TBC1D28: variants seen among roughly 807,000 people sequenced by gnomAD.
TBC1D28 encodes TBC1 domain family member 28.
A neutral mutation model predicts 29.2 loss-of-function variants in TBC1D28; 20 were observed. That is an observed-to-expected ratio of 0.68 (90% CI 0.48 to 0.99). The LOEUF (loss-of-function observed/expected upper bound fraction) is 0.99, where lower values mean the gene tolerates loss of function less well. Ranked by LOEUF, TBC1D28 falls within the 50% of genes least tolerant of loss-of-function variation. The pLI, the probability that TBC1D28 is intolerant of heterozygous loss-of-function variation, is 0.00. For missense variants in TBC1D28, 205 were observed against 243.7 expected, an observed-to-expected ratio of 0.84 and a Z score of 1.06; for synonymous variants, 65 against 90.9, an observed-to-expected ratio of 0.71 and a Z score of 1.62.
At chr17:18,641,338 C>A (rs1392532347) in exon 3 of TBC1D28, 1 of 1,613,828 alleles carries the variant, frequency 6.2e-7, no homozygotes, top group African/African-American at 1.3e-5. Flanking sequence ...TATCCGGGTC[C>A]TCATCCATCT....
Position 18,641,343 on chromosome 17 carries a change from C to A in TBC1D28, c.10G>T (p.Asp4Tyr), listed in dbSNP as rs1394781786. The change falls in exon 3 of 9, where the codon GAT (aspartate) becomes TAT (tyrosine). Residue 4 changes from aspartate to tyrosine, a missense_variant. Coordinates refer to ENST00000345096, the Ensembl canonical transcript of TBC1D28. ...GCAGGCAGGTTATCCGGGTCCTCAT[C>A]CATCTCCATCCTGCAAGACAAAGTC... 1.9e-6 allele frequency: 3 copies of A among 1,613,834 alleles called. No homozygotes were observed. Among genetic ancestry groups the A allele is most frequent in the Non-Finnish European group, 2.5e-6 (3 of 1,179,866 alleles).
intron 8 of TBC1D28, 28 bp from the exon 10 acceptor site, chr17:18,636,625 T>G (rs1353161614): frequency 9.4e-6 from 15 of 1,600,040 alleles, no homozygotes; most frequent in East Asian, 2.2e-5. Flanking sequence ...GAGGGTTTTG[T>G]TTTTTTTGTG....
intron 5 of TBC1D28, chr17:18,638,910 G>T (rs9909256): frequency 0.56 from 425,622 of 761,940 alleles, 125,084 homozygotes; most frequent in East Asian, 0.95. Flanking sequence ...AGGCCATAGA[G>T]GCCCCAAGTT....
intron 5 of TBC1D28, 119 bp downstream of exon 6, chr17:18,639,056 A>T (rs1183223732): frequency 1.4e-6 from 2 of 1,393,850 alleles, no homozygotes; most frequent in African/African-American, 2.9e-5. Context: ...CACCCCTCCC[A>T]GTGACAGCCG....
exon 9 of TBC1D28, chr17:18,636,354 T>C (rs1178688093): frequency 2.7e-5 from 41 of 1,523,714 alleles, no homozygotes; most frequent in Middle Eastern, 1.8e-4. Flanking sequence ...TCATCTGAGA[T>C]GTGGTGATTG....
intron 4 of TBC1D28, among the ~76,000 whole-genome samples, chr17:18,640,348 A>C: frequency 7.2e-6 from 1 of 139,374 alleles, no homozygotes. Context: ...TCAGGGGCTC[A>C]CCCTGCCCCC....
At chr17:18,638,844 T>C in intron 5 of TBC1D28, 143 bp from the exon 7 acceptor site, 1 of 1,053,582 alleles carries the variant, frequency 9.5e-7, no homozygotes, top group South Asian at 1.5e-5. Context: ...GCTGAGACCC[T>C]CTGAAGGAAC....
At chr17:18,636,536 C>G in exon 9 of TBC1D28, 1 of 1,613,674 alleles carries the variant, frequency 6.2e-7, no homozygotes, top group Admixed American at 1.7e-5. Flanking sequence ...TATCGCTGCC[C>G]GGGAATACTC....
chr17:18,643,957 G>C (rs1482350373), upstream of TBC1D28, among the ~76,000 whole-genome samples: 2 of 152,156 alleles, frequency 1.3e-5, no homozygotes, highest in Admixed American at 1.3e-4. Context: ...GCCAGACTCT[G>C]CCCCATCAGG....
intron 2 of TBC1D28, 25 bp downstream of exon 3, chr17:18,641,607 C>G: frequency 1.8e-6 from 1 of 562,688 alleles, no homozygotes; most frequent in East Asian, 2.9e-5. Flanking sequence ...CTATTGTCCC[C>G]GAACACCCCA....
downstream of TBC1D28, among the ~76,000 whole-genome samples, chr17:18,634,823 C>G (rs1221232562): frequency 2.8e-5 from 4 of 141,462 alleles, no homozygotes; most frequent in Admixed American, 6.9e-5. Context: ...GCCGCCTCAG[C>G]CCCTCAGCCC....
chr17:18,643,201 G>A (rs2031845260), upstream of TBC1D28, among the ~76,000 whole-genome samples: 1 of 152,180 alleles, frequency 6.6e-6, no homozygotes. Context: ...TGCAGATGGG[G>A]GCTAGGGGTT....
intron 3 of TBC1D28, 70 bp from the exon 5 acceptor site, chr17:18,641,174 G>A: frequency 3.5e-6 from 4 of 1,154,304 alleles, no homozygotes; most frequent in Non-Finnish European, 4.8e-6. Context: ...GAGGTGGGCA[G>A]CCCCTCCCCA....
intron 8 of TBC1D28, among the ~76,000 whole-genome samples, chr17:18,637,661 C>G (rs1053081440): frequency 7.9e-5 from 12 of 152,074 alleles, no homozygotes; most frequent in African/African-American, 2.9e-4. Context: ...CACCTGGGTT[C>G]TGGCCCTACA....
chr17:18,640,648 C>T (rs1001477783), intron 4 of TBC1D28, among the ~76,000 whole-genome samples: 1 of 129,868 alleles, frequency 7.7e-6, no homozygotes, highest in African/African-American at 3.0e-5. Context: ...AGAGGCCAGG[C>T]CAGGTGCCCT....
At position 18,638,616 on chromosome 17, in the gene TBC1D28, G is replaced by A. The variant is rs774762864; in HGVS notation, c.279+5C>T. On this transcript the variant is annotated splice_donor_5th_base_variant and intron_variant, in intron 6 of 8. Transcript: ENST00000345096. ...GTCACGGGGGCCGCTTCCTCCCCAT[G>A]TTACCTTCTTGGTGCTCCTATATTT... 6.2e-7 allele frequency: 1 copy of A among 1,614,098 alleles called. No homozygotes were observed. The highest frequency in any genetic ancestry group is 8.5e-7 in the Non-Finnish European group (1 of 1,180,060).
chr17:18,635,404 C>A (rs1404747428), exon 9 of TBC1D28: 14 of 478,226 alleles, frequency 2.9e-5, no homozygotes, highest in Non-Finnish European at 3.8e-5. Context: ...GGGAAGCGCC[C>A]CCTGCACCTG....
chr17:18,641,146 A>G, intron 3 of TBC1D28, 42 bp from the exon 5 acceptor site: 2 of 805,238 alleles, frequency 2.5e-6, no homozygotes, highest in East Asian at 2.8e-5. Flanking sequence ...GTAAGGTGAG[A>G]GGTGTGGGAG....
intron 8 of TBC1D28, 150 bp from the exon 10 acceptor site, chr17:18,636,747 G>A: frequency 1.1e-6 from 1 of 918,190 alleles, no homozygotes; most frequent in South Asian, 2.0e-5. Flanking sequence ...GAGTTTTTAG[G>A]AATTTTTTTT....
Sources: allele counts gnomAD v4.1 joint callset (sites outside exome capture counted in the v4.1 genomes callset), GRCh38; gene constraint gnomAD v4.1.1; transcripts MANE v1.5; gene names NCBI Gene and HGNC (gene_info 2026-07-23, HGNC 2026-07-21).